The following ATP8A2 variants were observed in gnomAD, a reference collection of about 807,000 sequenced individuals.
ATP8A2 encodes the protein ATPase phospholipid transporting 8A2.
ATP8A2 carries 100 observed loss-of-function variants against 165.6 expected under a neutral mutation model. That is an observed-to-expected ratio of 0.60 (90% CI 0.51 to 0.71). The LOEUF (loss-of-function observed/expected upper bound fraction) is 0.71. Among genes scored for constraint, ATP8A2 ranks in the 30% least tolerant of loss-of-function variants. The pLI, the probability that ATP8A2 is intolerant of heterozygous loss-of-function variation, is 0.00. For synonymous variants in ATP8A2, 543 were observed against 548.8 expected, an observed-to-expected ratio of 0.99 and a Z score of 0.15; for missense variants, 1,227 against 1,479.5, an observed-to-expected ratio of 0.83 and a Z score of 2.80.
intron 35 of ATP8A2, among the ~76,000 whole-genome samples, chr13:26,006,991 TA>T (rs576126332): frequency 0.087 from 12,488 of 144,352 alleles, 509 homozygotes; most frequent in South Asian, 0.13. Flanking sequence ...ATTCTCTCTT[TA>T]AAAAAAAAAA....
At chr13:25,496,266 C>G (rs1026835203) in intron 2 of ATP8A2, among the ~76,000 whole-genome samples, 1 of 152,122 alleles carries the variant, frequency 6.6e-6, no homozygotes, top group Non-Finnish European at 1.5e-5. Flanking sequence ...CATCTTGGCA[C>G]ATGGAAGCAG....
At chr13:25,694,468 C>T (rs2137884990) in intron 24 of ATP8A2, among the ~76,000 whole-genome samples, 1 of 152,200 alleles carries the variant, frequency 6.6e-6, no homozygotes, top group East Asian at 1.9e-4. Flanking sequence ...TACACTGACC[C>T]CCGGCAGGCA....
chr13:25,862,268 G>A (rs1429976616), intron 32 of ATP8A2, 33 bp from the exon 33 acceptor site: 2 of 1,542,124 alleles, frequency 1.3e-6, no homozygotes, highest in Admixed American at 1.7e-5. Context: ...GGCTGGTCGA[G>A]AAGCCTGTCT....
intron 2 of ATP8A2, among the ~76,000 whole-genome samples, chr13:25,495,084 G>GTTT (rs1183905167): frequency 6.6e-6 from 1 of 152,228 alleles, no homozygotes; most frequent in Non-Finnish European, 1.5e-5. Flanking sequence ...CTTGGTTGTT[G>GTTT]TTCCTGAGCA....
intron 1 of ATP8A2, among the ~76,000 whole-genome samples, chr13:25,452,047 G>T (rs1003386010): frequency 9.2e-5 from 14 of 151,972 alleles, no homozygotes; most frequent in African/African-American, 2.7e-4. Context: ...TAGAGACGGG[G>T]TTTTACCGTG....
Position 25,926,993 on chromosome 13 carries a change from C to A in ATP8A2, c.3184-34582C>A. ...CAGGCAGATAAGCAAGGCACTTTCC[C>A]TGCATCCTGCTGTGCCTCCCGCTCC... On this transcript the variant is annotated intron_variant, in intron 33 of 36. Transcript: ENST00000381655. 1.1e-5 allele frequency: 4 copies of A among 376,992 alleles called. 1 individual carries two copies. Among genetic ancestry groups the A allele is most frequent in the Middle Eastern group, 1.3e-3 (2 of 1,492 alleles). 23.4% of individuals were successfully genotyped at this position (376,992 alleles called of 1,614,324 possible). A position where few individuals can be genotyped will look rare whatever the true frequency, so the allele number is the denominator to read the frequency against.
intron 24 of ATP8A2, among the ~76,000 whole-genome samples, chr13:25,630,546 A>G (rs1388773198): frequency 6.6e-6 from 1 of 152,152 alleles, no homozygotes; most frequent in East Asian, 1.9e-4. Context: ...GAGGCTAACA[A>G]TATTAAGTGG....
At chr13:25,684,114 C>CA (rs1422206580) in intron 24 of ATP8A2, among the ~76,000 whole-genome samples, 1 of 152,142 alleles carries the variant, frequency 6.6e-6, no homozygotes, top group Non-Finnish European at 1.5e-5. Context: ...GGCTTCCGCC[C>CA]AGGATAACAT....
chr13:25,518,640 T>G (rs1436544008), intron 2 of ATP8A2, among the ~76,000 whole-genome samples: 1 of 152,176 alleles, frequency 6.6e-6, no homozygotes, highest in Non-Finnish European at 1.5e-5. Flanking sequence ...AGCTGTCAAC[T>G]TCAATTTTTC....
chr13:25,877,913 A>G (rs550660349), intron 33 of ATP8A2, among the ~76,000 whole-genome samples: 3 of 152,338 alleles, frequency 2.0e-5, no homozygotes, highest in Admixed American at 1.3e-4. Flanking sequence ...ACTTCCTAAC[A>G]GTGTCACCTG....
chr13:25,548,729 A>G (rs2038728231), intron 10 of ATP8A2, among the ~76,000 whole-genome samples: 1 of 152,332 alleles, frequency 6.6e-6, no homozygotes, highest in African/African-American at 2.4e-5. Flanking sequence ...AATAATTTAG[A>G]CAAATAAAGT....
rs17082250 is a variant in ATP8A2 at position 25,416,464 on chromosome 13, A to G, written c.76+44176A>G. On this transcript the variant is annotated intron_variant, in intron 1 of 36. Coordinates refer to ENST00000381655, the MANE Select transcript of ATP8A2 (RefSeq NM_016529.6). The stretch of plus-strand genomic sequence containing the variant: ...ATTTAAAATAAAATGTTATCAATAG[A>G]TTTCACTTGAAAGTCTCTTGGAAGA... Among the ~76,000 whole-genome samples the G allele has an allele frequency of 6.4e-3, 978 of 152,216 alleles. 14 individuals are homozygous for G. Among genetic ancestry groups the G allele is most frequent in the African/African-American group, 0.021 (883 of 41,526 alleles).
chr13:25,415,894 T>C (rs973966947), intron 1 of ATP8A2, among the ~76,000 whole-genome samples: 10 of 152,116 alleles, frequency 6.6e-5, no homozygotes, highest in African/African-American at 9.7e-5. Flanking sequence ...TAGAGGCCAA[T>C]TGTAGCTCCC....
At chr13:25,643,046 T>C (rs146299023) in intron 24 of ATP8A2, among the ~76,000 whole-genome samples, 5,250 of 151,996 alleles carry the variant, frequency 0.035, 154 homozygotes, top group East Asian at 0.13. Flanking sequence ...GGGAACATCA[T>C]ACATCGGATC....
rs531538402 is a variant in ATP8A2 at position 25,742,300 on chromosome 13, G to GT, written c.2385-26744dup. 1.2e-4 allele frequency among the ~76,000 whole-genome samples: 18 copies of GT among 152,022 alleles called. No homozygotes were observed. The South Asian group carries it at 3.7e-3, about 32-fold the overall frequency. ...CCACTGTCGTATATGCAAAAACATC[G>GT]TTATGGGGCACATGACTGTAAAAGT... On this transcript the variant is annotated intron_variant, in intron 25 of 36. Coordinates refer to ENST00000381655, the MANE Select transcript of ATP8A2 (RefSeq NM_016529.6).
intron 33 of ATP8A2, among the ~76,000 whole-genome samples, chr13:25,868,388 G>T (rs1952576930): frequency 6.6e-6 from 1 of 152,136 alleles, no homozygotes; most frequent in South Asian, 2.1e-4. Flanking sequence ...AGAAACCCGT[G>T]GCATGGCTGG....
rs1478925720 is a variant in ATP8A2 at position 26,020,631 on chromosome 13, C to G, written c.*646C>G. The G allele has an allele frequency of 6.5e-6, 1 of 153,084 alleles. No individual in the cohort carries two copies. The highest frequency in any genetic ancestry group is 1.5e-5 in the Non-Finnish European group (1 of 68,778). 9.5% of individuals were successfully genotyped at this position (153,084 alleles called of 1,614,324 possible). A position where few individuals can be genotyped will look rare whatever the true frequency, so the allele number is the denominator to read the frequency against. On this transcript the variant is annotated 3_prime_UTR_variant, in exon 37 of 37. Coordinates refer to ENST00000381655, the MANE Select transcript of ATP8A2 (RefSeq NM_016529.6). ...CCTGGAAGAGTCTTCCGCACCCTCT[C>G]CAGGTGCACTCGGCCCAGTCCTGCC...
intron 24 of ATP8A2, among the ~76,000 whole-genome samples, chr13:25,595,572 G>A (rs1325651544): frequency 1.3e-5 from 2 of 152,146 alleles, no homozygotes; most frequent in African/African-American, 4.8e-5. Context: ...GAGCTACTTT[G>A]GGGGCTATTT....
Position 25,760,429 on chromosome 13 carries a change from G to A in ATP8A2, c.2385-8617G>A, listed in dbSNP as rs545411888. Among the ~76,000 whole-genome samples the A allele has an allele frequency of 3.3e-5, 5 of 152,240 alleles. No homozygotes were observed. In the East Asian group the frequency reaches 5.8e-4, roughly 18 times the overall value. On this transcript the variant is annotated intron_variant, in intron 25 of 36. Transcript: ENST00000381655. ...TAGAGCCTGAAATCAGAATTTAGACGCCATATAAAGGTATCTTCAGGTAAA... is the reference window on the plus strand; with the variant it reads ...TAGAGCCTGAAATCAGAATTTAGACACCATATAAAGGTATCTTCAGGTAAA...
Sources: gnomAD v4.1 joint callset for allele counts (sites outside exome capture counted in the v4.1 genomes callset) on GRCh38, gnomAD v4.1.1 for gene constraint, MANE v1.5 for transcripts, NCBI Gene and HGNC (gene_info 2026-07-23, HGNC 2026-07-21) for gene names.